TNK2: variants seen among roughly 807,000 people sequenced by gnomAD.
TNK2 encodes activated CDC42 kinase 1.
A neutral mutation model predicts 101.8 loss-of-function variants in TNK2; 83 were observed. The observed-to-expected ratio is 0.82, with a 90% CI of 0.68 to 0.98. TNK2 has a LOEUF of 0.98. Ranked by LOEUF, TNK2 falls within the 50% of genes least tolerant of loss-of-function variation. The pLI, the probability that TNK2 is intolerant of heterozygous loss-of-function variation, is 0.00. For missense variants in TNK2, 1,665 were observed against 1,483.2 expected (o/e 1.12, Z -2.01); for synonymous variants, 804 against 633.0 (o/e 1.27, Z -4.06).
chr3:195,874,372 T>A (rs934825578), intron 9 of TNK2, among the ~76,000 whole-genome samples: 6 of 152,212 alleles, frequency 3.9e-5, no homozygotes, highest in African/African-American at 7.2e-5. Flanking sequence ...CCTCCCTTAG[T>A]GCAGGTATGG....
At position 195,894,439 on chromosome 3, in the gene TNK2, A is replaced by G. The variant is rs556412946; in HGVS notation, c.-18-5833T>C. The G allele has an allele frequency of 2.2e-3, 321 of 143,588 alleles. 2 individuals are homozygous for G. The highest frequency in any genetic ancestry group is 7.8e-3 in the African/African-American group (301 of 38,400). 8.9% of individuals were successfully genotyped at this position (143,588 alleles called of 1,614,324 possible). On this transcript the variant is annotated intron_variant, in intron 1 of 15. Transcript: ENST00000672887. ...AACCCCCACCCCCTTTTTTTTTTTG[A>G]GAGTCTTGCTCTATCGCCCAGGCTT...
rs113034256 is a variant in TNK2, at chr3:195,875,540, G to A, written c.1256+2713C>T. Among the ~76,000 whole-genome samples, 1,474 of 151,732 alleles carry A rather than the reference G, an allele frequency of 9.7e-3. 22 individuals carry two copies. Among genetic ancestry groups the A allele is most frequent in the African/African-American group, 0.029 (1,203 of 41,514 alleles). On this transcript the variant is annotated intron_variant, in intron 9 of 15. Transcript: ENST00000672887. ...AAGGCTCCAGTGGGACTTCCAAGAGGACCGTGTCACTTCTCGCAGCCCACA... is the reference window on the plus strand; with the variant it reads ...AAGGCTCCAGTGGGACTTCCAAGAGAACCGTGTCACTTCTCGCAGCCCACA...
Position 195,887,198 on chromosome 3 carries a change from A to G in TNK2, c.164-151T>C, listed in dbSNP as rs1212119924. ...CAACCCCAACTAACCCGGAGCCTCAACTGACCGACGGTCTCTGCACTCCAC... is the reference window on the plus strand; with the variant it reads ...CAACCCCAACTAACCCGGAGCCTCAGCTGACCGACGGTCTCTGCACTCCAC... On this transcript the variant is annotated intron_variant, in intron 2 of 15. Transcript: ENST00000672887. The G allele has an allele frequency of 5.4e-6, 4 of 735,676 alleles. No homozygotes were observed. In the East Asian group the frequency reaches 8.0e-5, roughly 15 times the overall value. The allele number at this position is 735,676 out of a possible 1,614,324, so 45.6% of individuals were successfully genotyped here.
Position 195,869,541 on chromosome 3 carries a change from C to T in TNK2, c.1544G>A (p.Arg515Lys). 6.4e-7 allele frequency: 1 copy of T among 1,551,200 alleles called. No homozygotes were observed. The highest frequency in any genetic ancestry group is 8.7e-7 in the Non-Finnish European group (1 of 1,146,982). ...RPPQHLGGVK[R>K]EPPPRPPQPA... ...CTGAGGTGGGCGAGGTGGAGGCTCC[C>T]CTGCAAGAAAGGCCATGCGGACAGG... Residue 515 changes from arginine (R) to lysine (K), a missense_variant and splice_region_variant, in exon 12 of 16, where the codon AGG becomes AAG. This residue lies in a region of TNK2 where 1,136 missense variants were observed against 894.9 expected (regional missense o/e 1.27). Transcript: ENST00000672887.
intron 1 of TNK2, chr3:195,892,357 G>T: frequency 6.8e-7 from 1 of 1,460,164 alleles, no homozygotes; most frequent in Non-Finnish European, 9.1e-7. Flanking sequence ...GTCAAGTGCT[G>T]GTGCTGAGGA....
At position 195,886,941 on chromosome 3, in the gene TNK2, C is replaced by T. The variant is rs768017207; in HGVS notation, c.234+36G>A. 37 of 1,412,002 alleles carry T rather than the reference C, an allele frequency of 2.6e-5. No individual in the cohort carries two copies. The highest frequency in any genetic ancestry group is 3.4e-5 in the Non-Finnish European group (34 of 997,202). The allele number at this position is 1,412,002 out of a possible 1,614,324, so 87.5% of individuals were successfully genotyped here. A position where few individuals can be genotyped will look rare whatever the true frequency, so the allele number is the denominator to read the frequency against. On this transcript the variant is annotated intron_variant, in intron 3 of 15. Coordinates refer to ENST00000672887, the MANE Select transcript of TNK2 (RefSeq NM_001382273.1). This position sits in a 1 kb window ranked among gnomAD's most constrained non-coding sequence, Gnocchi z 4.2. ...AAGCGGAGGGGGGCGTTCGAGGCTGCCCCCCTCCCACCTCCTCACCCACCT... is the reference window on the plus strand; with the variant it reads ...AAGCGGAGGGGGGCGTTCGAGGCTGTCCCCCTCCCACCTCCTCACCCACCT...
At chr3:195,881,548 T>C (rs903425917) in intron 6 of TNK2, among the ~76,000 whole-genome samples, 13 of 30,604 alleles carry the variant, frequency 4.2e-4, no homozygotes, top group South Asian at 1.4e-3. Context: ...CCCCCAGCAA[T>C]GCCCCTTGAA....
intron 1 of TNK2, chr3:195,895,248 G>A (rs773057535): frequency 6.5e-7 from 1 of 1,542,882 alleles, no homozygotes; most frequent in Non-Finnish European, 8.7e-7. Flanking sequence ...CCCATTACCT[G>A]CGGTCCCTCC....
At chr3:195,881,742 C>T (rs913224325) in intron 6 of TNK2, among the ~76,000 whole-genome samples, 2 of 143,476 alleles carry the variant, frequency 1.4e-5, no homozygotes, top group African/African-American at 2.6e-5. Context: ...CCCTGAAACA[C>T]GACCCCCAAC....
chr3:195,867,696 T>C lies in TNK2; in HGVS notation c.2602A>G (p.Lys868Glu). The C allele has an allele frequency of 6.2e-7, 1 of 1,609,124 alleles. No homozygotes were observed. ...CILPIVRDGKKVSSTHYYLLP... is the reference protein window; with the variant it reads ...CILPIVRDGKEVSSTHYYLLP... ...AAGTAATAGTGGGTGCTGCTGACCT[T>C]CTTGCCATCCCGGACGATGGGCAGG... is the stretch of plus-strand genomic sequence containing the variant. Residue 868 changes from lysine (K) to glutamate (E), a missense_variant, in exon 13 of 16, where the codon AAG becomes GAG. Physicochemically the swap from Lys to Glu is moderately conservative, Grantham distance 56 (BLOSUM62 1). Transcript: ENST00000672887.
chr3:195,870,389 G>C (rs746569516), intron 10 of TNK2, 184 bp from the exon 11 acceptor site: 155 of 1,457,508 alleles, frequency 1.1e-4, no homozygotes, highest in Admixed American at 1.4e-4. Flanking sequence ...CTGGAGAGAA[G>C]GCAGAGAAAG....
At position 195,882,317 on chromosome 3, in the gene TNK2, C is replaced by G; in HGVS notation, c.621G>C (p.Leu207=). Residue 207 remains leucine, a synonymous_variant, in exon 6 of 16, where the codon CTG becomes CTC. Transcript: ENST00000672887. This position sits in a 1 kb window ranked among gnomAD's most constrained non-coding sequence, Gnocchi z 4.2. ...GGTCCAACAACGATCCCAGAGGTGCCAGCTCTGTCACCTGAGGCCACGGAG... is the reference window on the plus strand; with the variant it reads ...GGTCCAACAACGATCCCAGAGGTGCGAGCTCTGTCACCTGAGGCCACGGAG... ...LTPPMKMVTE[L]APLGSLLDRL... 1 of 1,611,162 alleles carries G rather than the reference C, an allele frequency of 6.2e-7. No individual in the cohort carries two copies. The highest frequency in any genetic ancestry group is 1.3e-5 in the African/African-American group (1 of 74,998).
chr3:195,897,398 C>T (rs1405648231), intron 1 of TNK2, among the ~76,000 whole-genome samples: 1 of 152,246 alleles, frequency 6.6e-6, no homozygotes, highest in African/African-American at 2.4e-5. Flanking sequence ...GGGGCCCACT[C>T]CCTCCCAGGG....
In TNK2 at chr3:195,867,654, A is replaced by T. The variant is rs758336887; in HGVS notation, c.2644T>A (p.Ser882Thr). Residue 882 changes from serine (S) to threonine (T), a missense_variant, in exon 13 of 16, where the codon TCC becomes ACC. By Grantham distance (58) the Ser-to-Thr change is moderately conservative. Transcript: ENST00000672887. ...THYYLLPERP[S>T]YLERYQRFLR... is the part of the protein sequence containing the mutation. ...AAGCGCTGGTAGCGCTCCAGGTAGG[A>T]TGGTCGCTCGGGCAGCAAGTAATAG... 6.2e-7 allele frequency: 1 copy of T among 1,604,332 alleles called. No individual in the cohort carries two copies. The highest frequency in any genetic ancestry group is 8.5e-7 in the Non-Finnish European group (1 of 1,179,592).
In TNK2 at chr3:195,885,618, T is replaced by C. The variant is rs1287678596; in HGVS notation, c.235-585A>G. ...TGTGTGGTTCAGATGAAGCTAGTCC[T>C]TGCTGGGAAGGGGCCTGGGAAGACA... On this transcript the variant is annotated intron_variant, in intron 3 of 15. Coordinates refer to ENST00000672887, the MANE Select transcript of TNK2 (RefSeq NM_001382273.1). The surrounding 1 kb of genome is among the most constrained non-coding windows in gnomAD (Gnocchi z 4.7). 7.8e-7 allele frequency: 1 copy of C among 1,286,220 alleles called. No homozygotes were observed. Among genetic ancestry groups the C allele is most frequent in the Admixed American group, 2.3e-5 (1 of 43,538 alleles). 79.7% of individuals were successfully genotyped at this position (1,286,220 alleles called of 1,614,324 possible). A position where few individuals can be genotyped will look rare whatever the true frequency, so the allele number is the denominator to read the frequency against.
intron 1 of TNK2, among the ~76,000 whole-genome samples, chr3:195,889,048 G>A (rs940020281): frequency 1.3e-5 from 2 of 151,946 alleles, no homozygotes; most frequent in East Asian, 1.9e-4. Context: ...CCCATCTATG[G>A]GCTCCTTAGA....
chr3:195,897,630 T>C (rs995941871), intron 1 of TNK2, among the ~76,000 whole-genome samples: 1 of 152,152 alleles, frequency 6.6e-6, no homozygotes, highest in Non-Finnish European at 1.5e-5. Context: ...ATCTCCTGAG[T>C]AGCTGGGATT....
Position 195,885,400 on chromosome 3 carries a change from C to T in TNK2, c.235-367G>A. On this transcript the variant is annotated intron_variant, in intron 3 of 15. Coordinates refer to ENST00000672887, the MANE Select transcript of TNK2 (RefSeq NM_001382273.1). The surrounding 1 kb of genome is among the most constrained non-coding windows in gnomAD (Gnocchi z 4.7). ...CTTCCTGCACCCGCCACCCCGCAGA[C>T]TCCAGCCCTAACCCGCATCGATGGA... is the stretch of plus-strand genomic sequence containing the variant. 1 of 1,356,480 alleles carries T rather than the reference C, an allele frequency of 7.4e-7. No individual in the cohort carries two copies. The highest frequency in any genetic ancestry group is 9.7e-7 in the Non-Finnish European group (1 of 1,032,982). The allele number at this position is 1,356,480 out of a possible 1,614,324, so 84.0% of individuals were successfully genotyped here.
intron 10 of TNK2, among the ~76,000 whole-genome samples, chr3:195,871,983 CT>C (rs371674566): frequency 0.058 from 3,799 of 65,472 alleles, 156 homozygotes; most frequent in Non-Finnish European, 0.069. Context: ...GAACCCTCCC[CT>C]GGAGAACCCT....
Sources: gnomAD v4.1 joint callset for allele counts (sites outside exome capture counted in the v4.1 genomes callset) on GRCh38, gnomAD v4.1.1 for gene constraint, gnomAD v4.1.1 regional missense constraint, Gnocchi (gnomAD v3.1) non-coding constraint, MANE v1.5 for transcripts, NCBI Gene and HGNC (gene_info 2026-07-23, HGNC 2026-07-21) for gene names.